MTA3: variants seen among roughly 807,000 people sequenced by gnomAD.
MTA3 encodes the protein metastasis associated 1 family member 3.
In MTA3, 34 loss-of-function variants were observed where a neutral mutation model predicts 83.5. That is an observed-to-expected ratio of 0.41 (90% CI 0.31 to 0.54). The LOEUF (loss-of-function observed/expected upper bound fraction) is 0.54, where lower values mean the gene tolerates loss of function less well. Ranked by LOEUF, MTA3 falls within the 20% of genes least tolerant of loss-of-function variation. The pLI is 0.33. For synonymous variants in MTA3, 303 were observed against 252.7 expected, an observed-to-expected ratio of 1.20 and a Z score of -1.89; for missense variants, 761 against 726.4, an observed-to-expected ratio of 1.05 and a Z score of -0.55.
At chr2:42,727,632 G>A (rs780846687) in intron 16 of MTA3, among the ~76,000 whole-genome samples, 1 of 152,104 alleles carries the variant, frequency 6.6e-6, no homozygotes, top group Admixed American at 6.6e-5. Context: ...CTGAGTGTTT[G>A]GAATCAGTTA....
Position 42,629,614 on chromosome 2 carries a change from T to C in MTA3, c.318-10559T>C, listed in dbSNP as rs183882592. Reference sequence around the variant, plus strand: ...ATCTATCTCCTCAGGGAATTTGCAGTTGGGGTTTTTAAGGCTTTTGGAGTG... The same window carrying C: ...ATCTATCTCCTCAGGGAATTTGCAGCTGGGGTTTTTAAGGCTTTTGGAGTG... On this transcript the variant is annotated intron_variant, in intron 4 of 16. Transcript: ENST00000405094. 1.7e-4 allele frequency among the ~76,000 whole-genome samples: 26 copies of C among 152,168 alleles called. No homozygotes were observed. The East Asian group carries it at 3.9e-3, about 23-fold the overall frequency.
chr2:42,606,961 C>T (rs578161209), intron 3 of MTA3, among the ~76,000 whole-genome samples: 4 of 149,962 alleles, frequency 2.7e-5, no homozygotes, highest in South Asian at 4.3e-4. Flanking sequence ...CGCAGGCATT[C>T]GGCAGACTGA....
At chr2:42,632,151 A>G (rs1222470499) in intron 4 of MTA3, among the ~76,000 whole-genome samples, 4 of 128,914 alleles carry the variant, frequency 3.1e-5, no homozygotes, top group Non-Finnish European at 4.7e-5. Context: ...GTGCAGTGGT[A>G]TAGTCTCGGC....
chr2:42,500,811 C>CTTTTT (rs1177557640), intron 2 of MTA3, among the ~76,000 whole-genome samples: 4 of 133,172 alleles, frequency 3.0e-5, no homozygotes, highest in Admixed American at 7.6e-5. Flanking sequence ...CTTTATGAAG[C>CTTTTT]TTTTTTTTTT....
chr2:42,521,112 T>C lies in MTA3; in HGVS notation c.-141+25858T>C, dbSNP rs552481079. 4.6e-3 allele frequency among the ~76,000 whole-genome samples: 705 copies of C among 152,236 alleles called. 3 individuals carry two copies. The highest frequency in any genetic ancestry group is 0.02 in the South Asian group (97 of 4,820). On this transcript the variant is annotated intron_variant, in intron 2 of 17. Coordinates refer to the MTA3 transcript ENST00000405592. The stretch of plus-strand genomic sequence containing the variant: ...AGTGGCTCACTTCTAATGAATAAAA[T>C]ACAGCAAAAGGGATGGGATGTCACT...
In MTA3 at chr2:42,673,688, G is replaced by A. The variant is rs937878702; in HGVS notation, c.703-8713G>A. 3.9e-5 allele frequency among the ~76,000 whole-genome samples: 6 copies of A among 152,250 alleles called. No individual in the cohort carries two copies. In the East Asian group the frequency reaches 1.2e-3, roughly 29 times the overall value. ...GCAGGATTGACTAGTGGGAGGAGGT[G>A]GATACAATCGAATGAAGGCCTCAGC... On this transcript the variant is annotated intron_variant, in intron 8 of 16. Transcript: ENST00000405094.
intron 2 of MTA3, among the ~76,000 whole-genome samples, chr2:42,498,425 G>A (rs189605449): frequency 2.1e-4 from 32 of 152,296 alleles, no homozygotes; most frequent in Admixed American, 1.2e-3. Context: ...GAAAGTCTCC[G>A]GTGTGGACTG....
Position 42,754,398 on chromosome 2 carries a change from T to C in MTA3, c.*999T>C, listed in dbSNP as rs796700155. ...ACCCCCACCCCTCCAGCCCAACATC[T>C]TGTGAGCACATGTGACCTAGGCCCC... On this transcript the variant is annotated 3_prime_UTR_variant, in exon 17 of 17. Transcript: ENST00000405094. The C allele has an allele frequency of 1.5e-5, 15 of 985,506 alleles. 1 individual carries two copies. In the African/African-American group the frequency reaches 2.4e-4, roughly 16 times the overall value. The allele number at this position is 985,506 out of a possible 1,614,324, so 61.0% of individuals were successfully genotyped here. A position where few individuals can be genotyped will look rare whatever the true frequency, so the allele number is the denominator to read the frequency against.
chr2:42,496,608 G>GA (rs35316146), intron 2 of MTA3, among the ~76,000 whole-genome samples: 2,359 of 121,952 alleles, frequency 0.019, 62 homozygotes, highest in African/African-American at 0.064. Context: ...CAGAACCTAG[G>GA]AAAAAAAAAA....
chr2:42,729,548 A>G (rs568366069), intron 16 of MTA3, among the ~76,000 whole-genome samples: 18 of 152,282 alleles, frequency 1.2e-4, no homozygotes, highest in South Asian at 1.0e-3. Context: ...ATTTTCTCCA[A>G]TGTATGTTCT....
chr2:42,622,380 TGA>T (rs1205746969), intron 4 of MTA3, among the ~76,000 whole-genome samples: 2 of 101,808 alleles, frequency 2.0e-5, no homozygotes, highest in Admixed American at 1.5e-4. Flanking sequence ...CGGCTCGGCA[TGA>T]GAGGGAGACC....
At chr2:42,592,784 C>T (rs921668949) in intron 3 of MTA3, among the ~76,000 whole-genome samples, 3 of 152,120 alleles carry the variant, frequency 2.0e-5, no homozygotes, top group African/African-American at 7.2e-5. Context: ...TTTTGGAATA[C>T]CTTCCGAAGG....
At chr2:42,697,721 C>A in intron 10 of MTA3, 55 bp from the exon 11 acceptor site, 1 of 1,157,090 alleles carries the variant, frequency 8.6e-7, no homozygotes, top group Non-Finnish European at 1.2e-6. Flanking sequence ...AGACAATGAA[C>A]AGTAGTAATA....
At chr2:42,644,286 A>G (rs1463958261) in intron 6 of MTA3, 42 bp downstream of exon 6, 1 of 1,345,836 alleles carries the variant, frequency 7.4e-7, no homozygotes, top group Non-Finnish European at 1.1e-6. Context: ...AAACAAATAT[A>G]TCTTGAAACT....
chr2:42,581,962 C>G (rs1679709239), intron 3 of MTA3: 1 of 154,730 alleles, frequency 6.5e-6, no homozygotes, highest in African/African-American at 2.4e-5. Flanking sequence ...ACGGGGTAGG[C>G]TGGTCTCAAA....
At chr2:42,537,783 A>G (rs532913476) in intron 2 of MTA3, among the ~76,000 whole-genome samples, 19 of 152,154 alleles carry the variant, frequency 1.2e-4, no homozygotes, top group Non-Finnish European at 1.9e-4. Flanking sequence ...TGTTGGATGA[A>G]ACTATGGAAT....
chr2:42,640,111 T>A, intron 4 of MTA3, 62 bp from the exon 5 acceptor site: 1 of 1,196,126 alleles, frequency 8.4e-7, no homozygotes, highest in Non-Finnish European at 1.2e-6. Context: ...ACTTTGTATT[T>A]CTCATCACTG....
chr2:42,718,676 T>C (rs1345273370), intron 14 of MTA3, among the ~76,000 whole-genome samples: 1 of 151,894 alleles, frequency 6.6e-6, no homozygotes, highest in Non-Finnish European at 1.5e-5. Context: ...GGCAGGAGAA[T>C]TGCTTGAACC....
chr2:42,686,130 A>C (rs1281596174), intron 9 of MTA3, among the ~76,000 whole-genome samples: 2 of 152,094 alleles, frequency 1.3e-5, no homozygotes, highest in Non-Finnish European at 2.9e-5. Flanking sequence ...CACTACCCAA[A>C]AGTGATCATT....
Sources: allele counts gnomAD v4.1 joint callset (sites outside exome capture counted in the v4.1 genomes callset), GRCh38; gene constraint gnomAD v4.1.1; transcripts MANE v1.5; gene names NCBI Gene and HGNC (gene_info 2026-07-23, HGNC 2026-07-21).